Variants in BBX observed in about 807,000 individuals in gnomAD.
BBX encodes the protein HMG box transcription factor BBX.
BBX carries 30 observed loss-of-function variants against 100.2 expected under a neutral mutation model. The ratio of observed to expected loss-of-function variants is 0.30; its 90% CI spans 0.22 to 0.41. The LOEUF is 0.41. Ranked by LOEUF, BBX falls within the 10% of genes least tolerant of loss-of-function variation. The pLI is 1.00. For missense variants in BBX, 1,023 were observed against 1,129.8 expected, an observed-to-expected ratio of 0.91 and a Z score of 1.35; for synonymous variants, 376 against 388.1, an observed-to-expected ratio of 0.97 and a Z score of 0.37.
At chr3:107,701,232 A>G (rs1226212996) in intron 3 of BBX, among the ~76,000 whole-genome samples, 1 of 152,076 alleles carries the variant, frequency 6.6e-6, no homozygotes, top group Non-Finnish European at 1.5e-5. Flanking sequence ...TAGAGTGACA[A>G]GGATTGCAGG....
chr3:107,781,833 T>TA (rs2067921972), intron 13 of BBX, among the ~76,000 whole-genome samples: 2 of 152,260 alleles, frequency 1.3e-5, no homozygotes, highest in South Asian at 2.1e-4. Flanking sequence ...AATCCACACT[T>TA]ACATTTTAAG....
intron 2 of BBX, among the ~76,000 whole-genome samples, chr3:107,604,807 A>C (rs551209539): frequency 6.6e-6 from 1 of 150,816 alleles, no homozygotes; most frequent in Non-Finnish European, 1.5e-5. Flanking sequence ...AGGAAAACCC[A>C]GTGGATAAGT....
At chr3:107,716,470 A>T (rs922079554) in intron 4 of BBX, 137 bp from the exon 5 acceptor site, 17 of 1,098,630 alleles carry the variant, frequency 1.5e-5, no homozygotes, top group Admixed American at 5.5e-5. Flanking sequence ...TTGATTTTTT[A>T]AAATTATATT....
At chr3:107,672,536 CTAAGTA>C (rs1292698851) in intron 3 of BBX, among the ~76,000 whole-genome samples, 2 of 151,960 alleles carry the variant, frequency 1.3e-5, no homozygotes, top group African/African-American at 4.8e-5. Flanking sequence ...ATAACATCTC[CTAAGTA>C]TAAGACATGA....
intron 15 of BBX, among the ~76,000 whole-genome samples, chr3:107,793,804 G>A (rs1392570400): frequency 6.6e-6 from 1 of 152,024 alleles, no homozygotes; most frequent in Non-Finnish European, 1.5e-5. Flanking sequence ...ATGACTTCAA[G>A]TTCACTGTGT....
chr3:107,607,408 T>C (rs546296815), intron 2 of BBX, among the ~76,000 whole-genome samples: 1 of 152,328 alleles, frequency 6.6e-6, no homozygotes, highest in African/African-American at 2.4e-5. Flanking sequence ...TAAGACTGAA[T>C]AGTATTCCAT....
intron 2 of BBX, among the ~76,000 whole-genome samples, chr3:107,618,869 TCTG>T (rs1283277645): frequency 1.3e-5 from 2 of 152,124 alleles, no homozygotes; most frequent in Non-Finnish European, 2.9e-5. Flanking sequence ...GAATGTGTAT[TCTG>T]CTGTTGGGTC....
chr3:107,604,786 TGAAACATAAGAG>T (rs1309833181), intron 2 of BBX, among the ~76,000 whole-genome samples: 2 of 150,906 alleles, frequency 1.3e-5, no homozygotes, highest in African/African-American at 4.9e-5. Flanking sequence ...TTTTTCCTTT[TGAAACATAAGAG>T]GAAAACCCAG....
intron 2 of BBX, among the ~76,000 whole-genome samples, chr3:107,554,845 G>A (rs1286808696): frequency 3.3e-5 from 5 of 152,108 alleles, no homozygotes; most frequent in African/African-American, 1.2e-4. Flanking sequence ...GAGGCGGGCA[G>A]ATCACTTGAG....
intron 3 of BBX, chr3:107,657,122 A>G (rs1045265527): frequency 1.3e-5 from 2 of 152,198 alleles, no homozygotes; most frequent in Non-Finnish European, 2.9e-5. Context: ...CAGAAGGAAA[A>G]AAAGGTAGAC....
intron 3 of BBX, among the ~76,000 whole-genome samples, chr3:107,677,657 G>C (rs1033977756): frequency 6.6e-6 from 1 of 152,060 alleles, no homozygotes; most frequent in Non-Finnish European, 1.5e-5. Context: ...AATACTAAAA[G>C]TTTTTCAAGC....
chr3:107,565,096 G>A (rs1373321818), intron 2 of BBX, among the ~76,000 whole-genome samples: 1 of 152,142 alleles, frequency 6.6e-6, no homozygotes, highest in Non-Finnish European at 1.5e-5. Flanking sequence ...CCATGATAAA[G>A]GGGATTTGTT....
intron 2 of BBX, among the ~76,000 whole-genome samples, chr3:107,598,351 T>G (rs1175145206): frequency 1.3e-5 from 2 of 152,156 alleles, no homozygotes; most frequent in Non-Finnish European, 2.9e-5. Context: ...CAATCCTAAT[T>G]CTCTGTAAGT....
intron 2 of BBX, among the ~76,000 whole-genome samples, chr3:107,574,999 TAGAAC>T (rs1359742763): frequency 6.6e-6 from 1 of 152,184 alleles, no homozygotes; most frequent in Non-Finnish European, 1.5e-5. Flanking sequence ...GAAAGTGTTT[TAGAAC>T]CAAAGAATCA....
At chr3:107,610,739 G>C (rs747216597) in intron 2 of BBX, among the ~76,000 whole-genome samples, 1 of 149,598 alleles carries the variant, frequency 6.7e-6, no homozygotes, top group African/African-American at 2.4e-5. Flanking sequence ...CACCCTTCAT[G>C]TGTCTTTATA....
chr3:107,562,405 C>G (rs1241141099), intron 2 of BBX, among the ~76,000 whole-genome samples: 1 of 151,814 alleles, frequency 6.6e-6, no homozygotes, highest in African/African-American at 2.4e-5. Flanking sequence ...TGAGTCATTG[C>G]TTTAGACAAA....
At chr3:107,583,143 G>T (rs1281227408) in intron 2 of BBX, among the ~76,000 whole-genome samples, 3 of 151,522 alleles carry the variant, frequency 2.0e-5, no homozygotes, top group Admixed American at 1.3e-4. Context: ...TAAGTATATG[G>T]GACTTGTCGG....
At chr3:107,586,625 T>C (rs1053997747) in intron 2 of BBX, among the ~76,000 whole-genome samples, 3 of 152,230 alleles carry the variant, frequency 2.0e-5, no homozygotes, top group African/African-American at 7.2e-5. Context: ...GTTAAGACTG[T>C]TTTCCTTAGG....
chr3:107,547,279 C>T (rs1340467978), intron 2 of BBX, among the ~76,000 whole-genome samples: 1 of 152,066 alleles, frequency 6.6e-6, no homozygotes, highest in East Asian at 1.9e-4. Context: ...GGCTCTAAAA[C>T]AGTATCTTTA....
Sources: gnomAD v4.1 joint callset for allele counts (sites outside exome capture counted in the v4.1 genomes callset) on GRCh38, gnomAD v4.1.1 for gene constraint, MANE v1.5 for transcripts, NCBI Gene and HGNC (gene_info 2026-07-23, HGNC 2026-07-21) for gene names.